The following FBLN2 variants were observed in gnomAD, a reference collection of about 807,000 sequenced individuals.
FBLN2 encodes fibulin 2, also known as fibulin-2.
FBLN2 carries 81 observed loss-of-function variants against 123.7 expected under a neutral mutation model. That is an observed-to-expected ratio of 0.65 (90% CI 0.55 to 0.79). FBLN2 has a LOEUF of 0.79. Among genes scored for constraint, FBLN2 ranks in the 30% least tolerant of loss-of-function variants. The pLI, the probability that FBLN2 is intolerant of heterozygous loss-of-function variation, is 0.00. For missense variants in FBLN2, 1,603 were observed against 1,681.3 expected, an observed-to-expected ratio of 0.95 and a Z score of 0.81; for synonymous variants, 699 against 701.4, an observed-to-expected ratio of 1.00 and a Z score of 0.05.
At chr3:13,626,047 C>T (rs756566651) in intron 9 of FBLN2, among the ~76,000 whole-genome samples, 9 of 152,150 alleles carry the variant, frequency 5.9e-5, no homozygotes, top group Admixed American at 2.0e-4. Flanking sequence ...TGACCCATCC[C>T]GCCCAGCGCC....
intron 1 of FBLN2, among the ~76,000 whole-genome samples, chr3:13,569,625 G>A (rs568745733): frequency 8.5e-5 from 13 of 152,200 alleles, no homozygotes; most frequent in Admixed American, 7.2e-4. Context: ...GAGGGGGACA[G>A]GAGCGTCCCC....
At chr3:13,577,222 C>CAAAA (rs34445954) in intron 2 of FBLN2, among the ~76,000 whole-genome samples, 6 of 59,932 alleles carry the variant, frequency 1.0e-4, no homozygotes, top group African/African-American at 3.8e-4. Flanking sequence ...GACTCCGTCT[C>CAAAA]AAAAAAAAAA....
chr3:13,591,112 A>G (rs1704660834), intron 2 of FBLN2, among the ~76,000 whole-genome samples: 1 of 152,246 alleles, frequency 6.6e-6, no homozygotes, highest in Non-Finnish European at 1.5e-5. Context: ...GAGGATGTGC[A>G]GTAATAGCTC....
intron 5 of FBLN2, among the ~76,000 whole-genome samples, chr3:13,615,047 T>G (rs1468147905): frequency 1.3e-5 from 2 of 152,164 alleles, no homozygotes. Flanking sequence ...TTGTCCTTGG[T>G]GTCACCCCCT....
rs1487340469 is a variant in FBLN2, at chr3:13,631,460, G to A, written c.3214+3G>A. The A allele has an allele frequency of 5.1e-6, 8 of 1,584,106 alleles. No individual in the cohort carries two copies. Among genetic ancestry groups the A allele is most frequent in the Non-Finnish European group, 6.9e-6 (8 of 1,164,878 alleles). On this transcript the variant is annotated splice_donor_region_variant and intron_variant, in intron 16 of 17. Coordinates refer to ENST00000404922, the MANE Select transcript of FBLN2 (RefSeq NM_001004019.2). ...GGCCAACGGGAGGTCCTGCAAGGGT[G>A]AGCAAGTCCCCCCACACGCCCCCGC...
At chr3:13,626,690 C>A in intron 10 of FBLN2, 111 bp downstream of exon 10, 1 of 1,117,798 alleles carries the variant, frequency 8.9e-7, no homozygotes, top group Non-Finnish European at 1.2e-6. Flanking sequence ...GGCCTGGCCA[C>A]GCCCCTCTCC....
intron 16 of FBLN2, among the ~76,000 whole-genome samples, chr3:13,635,150 G>A (rs146329603): frequency 6.6e-6 from 1 of 152,184 alleles, no homozygotes; most frequent in Non-Finnish European, 1.5e-5. Flanking sequence ...CACAGGGCTG[G>A]TGTGAGGACT....
rs12968 is a variant in FBLN2, at chr3:13,638,208, C to A, written c.*289C>A. The A allele has an allele frequency of 0.22, 133,136 of 611,292 alleles. 15,354 individuals carry two copies. The highest frequency in any genetic ancestry group is 0.31 in the Admixed American group (11,996 of 38,356). The allele number at this position is 611,292 out of a possible 1,614,324, so 37.9% of individuals were successfully genotyped here. On this transcript the variant is annotated 3_prime_UTR_variant, in exon 18 of 18. Coordinates refer to ENST00000404922, the MANE Select transcript of FBLN2 (RefSeq NM_001004019.2). ...TGACCTGAGGACCAGAGACACGCGA[C>A]CATGTTGGGGCTCTTGGACTCCTCT...
chr3:13,628,787 T>C (rs190992009), intron 11 of FBLN2, 118 bp from the exon 12 acceptor site: 105 of 1,239,142 alleles, frequency 8.5e-5, no homozygotes. Context: ...GCCCTGCAAC[T>C]CTGACCAGGG....
chr3:13,608,296 G>GTGA, intron 3 of FBLN2, 123 bp downstream of exon 3: 3 of 689,614 alleles, frequency 4.4e-6, no homozygotes, highest in Non-Finnish European at 4.9e-6. Flanking sequence ...TCTGGGGCAT[G>GTGA]AGGGTGATTG....
chr3:13,550,922 A>G (rs1384598818), intron 1 of FBLN2, among the ~76,000 whole-genome samples: 1 of 152,196 alleles, frequency 6.6e-6, no homozygotes, highest in African/African-American at 2.4e-5. Context: ...AGCTGCCTGC[A>G]TTTACAAATT....
chr3:13,587,131 C>T (rs1379788897), intron 2 of FBLN2, among the ~76,000 whole-genome samples: 2 of 131,080 alleles, frequency 1.5e-5, no homozygotes, highest in Non-Finnish European at 3.1e-5. Context: ...GGTGACACAG[C>T]GAGACTCCGT....
chr3:13,616,910 A>G (rs1705627707), intron 5 of FBLN2, among the ~76,000 whole-genome samples: 1 of 152,228 alleles, frequency 6.6e-6, no homozygotes, highest in Non-Finnish European at 1.5e-5. Context: ...GTCAGTGGTC[A>G]CATCTGATCC....
rs537468510 is a variant in FBLN2 at position 13,612,068 on chromosome 3, G to T, written c.1549-1916G>T. The stretch of plus-strand genomic sequence containing the variant: ...CAAGGTCTCAAGCCTGGGTGATGGT[G>T]ACAGAGACCGCTGGATGGTTCTGGC... On this transcript the variant is annotated intron_variant, in intron 4 of 17. Coordinates refer to ENST00000404922, the MANE Select transcript of FBLN2 (RefSeq NM_001004019.2). 1.1e-3 allele frequency among the ~76,000 whole-genome samples: 165 copies of T among 152,302 alleles called. 2 individuals are homozygous for T. The South Asian group carries it at 0.032, about 30-fold the overall frequency.
intron 8 of FBLN2, 122 bp from the exon 9 acceptor site, chr3:13,621,653 C>A (rs1705854169): frequency 2.0e-6 from 2 of 1,017,696 alleles, no homozygotes; most frequent in Non-Finnish European, 2.9e-6. Flanking sequence ...CACAGTCAGG[C>A]GGGGAGGCCC....
chr3:13,565,934 G>A (rs1191247061), intron 1 of FBLN2, among the ~76,000 whole-genome samples: 2 of 152,382 alleles, frequency 1.3e-5, no homozygotes, highest in East Asian at 3.9e-4. Context: ...AGTGGCATAA[G>A]AATGATAATA....
intron 2 of FBLN2, among the ~76,000 whole-genome samples, chr3:13,602,914 C>T (rs58725494): frequency 0.13 from 19,002 of 143,254 alleles, 1,430 homozygotes; most frequent in East Asian, 0.35. Flanking sequence ...TTCTTTCTTT[C>T]TTTTTTTTTT....
intron 1 of FBLN2, among the ~76,000 whole-genome samples, chr3:13,553,260 C>T (rs181462833): frequency 6.8e-4 from 104 of 152,308 alleles, no homozygotes; most frequent in Non-Finnish European, 1.1e-3. Context: ...AGAGGAGGCG[C>T]GGCCAGACTG....
intron 1 of FBLN2, among the ~76,000 whole-genome samples, chr3:13,568,182 C>A (rs1178605111): frequency 6.6e-6 from 1 of 152,188 alleles, no homozygotes; most frequent in Non-Finnish European, 1.5e-5. Flanking sequence ...AGCACTCCGC[C>A]GGCCCTGAGC....
Sources: gnomAD v4.1 joint callset for allele counts (sites outside exome capture counted in the v4.1 genomes callset) on GRCh38, gnomAD v4.1.1 for gene constraint, MANE v1.5 for transcripts, NCBI Gene and HGNC (gene_info 2026-07-23, HGNC 2026-07-21) for gene names.